Variants in EBF1 observed in about 807,000 individuals in gnomAD.
EBF1 encodes EBF transcription factor 1.
In EBF1, 10 loss-of-function variants were observed where a neutral mutation model predicts 68.4. The ratio of observed to expected loss-of-function variants is 0.15; its 90% CI spans 0.09 to 0.25. The LOEUF (loss-of-function observed/expected upper bound fraction) is 0.25. Ranked by LOEUF, EBF1 falls within the 10% of genes least tolerant of loss-of-function variation. EBF1 has a pLI of 1.00. For missense variants in EBF1, 509 were observed against 794.4 expected, an observed-to-expected ratio of 0.64 and a Z score of 4.32; for synonymous variants, 298 against 299.8, an observed-to-expected ratio of 0.99 and a Z score of 0.06.
At position 158,776,984 on chromosome 5, in the gene EBF1, C is replaced by G. The variant is rs929166783; in HGVS notation, c.1036+429G>C. On this transcript the variant is annotated intron_variant, in intron 10 of 15. Transcript: ENST00000313708. ...GCATACTTGGAAAGAAGGCACCAAC[C>G]CAGAATTAAATATGAAAACTACCAA... 3.9e-5 allele frequency among the ~76,000 whole-genome samples: 6 copies of G among 152,234 alleles called. No homozygotes were observed. The East Asian group carries it at 7.7e-4, about 20-fold the overall frequency.
At chr5:158,767,195 T>G (rs1772896872) in intron 10 of EBF1, among the ~76,000 whole-genome samples, 1 of 152,150 alleles carries the variant, frequency 6.6e-6, no homozygotes, top group Admixed American at 6.5e-5. Context: ...ATATTAGAAG[T>G]AAGTACTCAA....
chr5:158,818,408 A>T (rs1410567609), intron 8 of EBF1, among the ~76,000 whole-genome samples: 1 of 152,250 alleles, frequency 6.6e-6, no homozygotes, highest in Non-Finnish European at 1.5e-5. Context: ...TGTCTGGATC[A>T]AAAGGATTAT....
chr5:158,708,739 G>T (rs1344754942), intron 14 of EBF1, among the ~76,000 whole-genome samples: 3 of 152,184 alleles, frequency 2.0e-5, no homozygotes, highest in Non-Finnish European at 4.4e-5. Context: ...GAAAGAGGCT[G>T]GGGTAGGGGG....
intron 6 of EBF1, among the ~76,000 whole-genome samples, chr5:158,956,253 G>A (rs950611829): frequency 1.3e-5 from 2 of 152,138 alleles, no homozygotes; most frequent in Admixed American, 6.6e-5. Context: ...GTTCTATGCT[G>A]CAGTTTCCTT....
In EBF1 at chr5:159,020,918, G is replaced by A. The variant is rs2127712752; in HGVS notation, c.554+52478C>T. ...AAGACATATATAGTATAATAGTTAT[G>A]AATAATATATGTGAATATACTTAAT... On this transcript the variant is annotated intron_variant, in intron 6 of 15. Transcript: ENST00000313708. Among the ~76,000 whole-genome samples, 2 of 152,300 alleles carry A rather than the reference G, an allele frequency of 1.3e-5. 1 individual carries two copies. Among genetic ancestry groups the A allele is most frequent in the South Asian group, 4.1e-4 (2 of 4,828 alleles).
intron 6 of EBF1, among the ~76,000 whole-genome samples, chr5:159,032,776 T>C (rs1273247449): frequency 6.6e-6 from 1 of 152,242 alleles, no homozygotes; most frequent in Non-Finnish European, 1.5e-5. Flanking sequence ...GCACTTGAAA[T>C]GAGTATATCC....
chr5:158,904,590 T>C (rs1355812037), intron 6 of EBF1, among the ~76,000 whole-genome samples: 2 of 152,220 alleles, frequency 1.3e-5, no homozygotes, highest in Non-Finnish European at 2.9e-5. Context: ...CATTCCTGCA[T>C]AGCAGCTATT....
At chr5:159,075,941 A>G (rs552176125) in intron 5 of EBF1, among the ~76,000 whole-genome samples, 10 of 151,716 alleles carry the variant, frequency 6.6e-5, no homozygotes, top group African/African-American at 2.2e-4. Flanking sequence ...TAGTTAGCCA[A>G]TCTTTTCTCA....
At chr5:158,977,681 G>A (rs1412065698) in intron 6 of EBF1, among the ~76,000 whole-genome samples, 1 of 152,206 alleles carries the variant, frequency 6.6e-6, no homozygotes, top group African/African-American at 2.4e-5. Context: ...CGTTTCCACA[G>A]CAAGATATGA....
At chr5:158,894,236 G>T (rs979964956) in intron 6 of EBF1, among the ~76,000 whole-genome samples, 4 of 151,964 alleles carry the variant, frequency 2.6e-5, no homozygotes, top group Non-Finnish European at 4.4e-5. Flanking sequence ...ATGCATTTCT[G>T]ATACCAAAAT....
intron 6 of EBF1, among the ~76,000 whole-genome samples, chr5:158,985,244 C>A (rs948194464): frequency 6.6e-6 from 1 of 152,168 alleles, no homozygotes; most frequent in Non-Finnish European, 1.5e-5. Flanking sequence ...AACTGGCAAC[C>A]TGGATTTCCA....
chr5:158,720,417 C>T (rs570907675), intron 11 of EBF1, among the ~76,000 whole-genome samples: 4 of 152,254 alleles, frequency 2.6e-5, no homozygotes, highest in South Asian at 4.2e-4. Flanking sequence ...TTTTATATCC[C>T]AGCTTCCTTT....
intron 10 of EBF1, among the ~76,000 whole-genome samples, chr5:158,761,635 A>C (rs1255123708): frequency 6.6e-6 from 1 of 152,242 alleles, no homozygotes; most frequent in Non-Finnish European, 1.5e-5. Flanking sequence ...AATAAAAATA[A>C]AGTAAAATCA....
intron 6 of EBF1, chr5:158,986,761 C>T (rs1385155115): frequency 6.6e-6 from 1 of 152,112 alleles, no homozygotes; most frequent in Non-Finnish European, 1.5e-5. Context: ...ATTGGGCTGG[C>T]CAGATTTATA....
chr5:158,775,776 G>GCACACACACACACACACACA (rs1387837414), intron 10 of EBF1, among the ~76,000 whole-genome samples: 1 of 56,002 alleles, frequency 1.8e-5, no homozygotes, highest in African/African-American at 9.2e-5. Flanking sequence ...ACACACACAT[G>GCACACACACACACACACACA]CACACAGACA....
chr5:158,781,059 T>A (rs1244154836), intron 9 of EBF1, among the ~76,000 whole-genome samples: 2 of 152,206 alleles, frequency 1.3e-5, no homozygotes, highest in African/African-American at 4.8e-5. Context: ...CTCCATTTTC[T>A]TATGAGACAA....
intron 10 of EBF1, among the ~76,000 whole-genome samples, chr5:158,745,485 A>G (rs1484173321): frequency 6.6e-6 from 1 of 152,226 alleles, no homozygotes; most frequent in African/African-American, 2.4e-5. Flanking sequence ...CCAGGTACAC[A>G]GAAGACTCTT....
intron 4 of EBF1, among the ~76,000 whole-genome samples, chr5:159,085,355 T>C (rs1780444465): frequency 6.6e-6 from 1 of 152,222 alleles, no homozygotes. Context: ...ATATGCTCTG[T>C]GTGTGGATTT....
At chr5:158,748,236 T>A (rs1768025913) in intron 10 of EBF1, among the ~76,000 whole-genome samples, 1 of 152,160 alleles carries the variant, frequency 6.6e-6, no homozygotes, top group Non-Finnish European at 1.5e-5. Context: ...TGTGTGGTGG[T>A]GACATCACCC....
Sources: gnomAD v4.1 joint callset for allele counts (sites outside exome capture counted in the v4.1 genomes callset) on GRCh38, gnomAD v4.1.1 for gene constraint, MANE v1.5 for transcripts, NCBI Gene and HGNC (gene_info 2026-07-23, HGNC 2026-07-21) for gene names.